Variants in GPR55 observed in about 807,000 individuals in gnomAD.
GPR55 encodes the protein G-protein coupled receptor 55.
In GPR55, 6 loss-of-function variants were observed where a neutral mutation model predicts 7.9. The observed-to-expected ratio is 0.76, with a 90% CI of 0.41 to 1.49. The LOEUF (loss-of-function observed/expected upper bound fraction) is 1.49, where lower values mean the gene tolerates loss of function less well. Ranked by LOEUF, GPR55 falls within the 40% of genes most tolerant of loss-of-function variation. The pLI, the probability that GPR55 is intolerant of heterozygous loss-of-function variation, is 0.01. For missense variants in GPR55, 376 were observed against 406.0 expected (o/e 0.93, Z 0.63); for synonymous variants, 183 against 166.8 (o/e 1.10, Z -0.75).
chr2:230,946,866 C>T (rs912190570), intron 1 of GPR55, among the ~76,000 whole-genome samples: 1 of 152,188 alleles, frequency 6.6e-6, no homozygotes, highest in African/African-American at 2.4e-5. Context: ...GCTGGGGGTG[C>T]TCATGTGGTT....
At chr2:230,942,726 G>A (rs1348732617) in intron 1 of GPR55, among the ~76,000 whole-genome samples, 2 of 151,954 alleles carry the variant, frequency 1.3e-5, no homozygotes, top group Non-Finnish European at 2.9e-5. Flanking sequence ...GGAGATGGGA[G>A]CTTGGCTGTT....
In GPR55 at chr2:230,923,711, T is replaced by G. The variant is rs553844715; in HGVS notation, c.-135+1457A>C. ...GGGAACTCAGGACACTCCTAGGAGA[T>G]TGCCCTAATTATGCCCATTTTACAG... On this transcript the variant is annotated intron_variant, in intron 1 of 1. Coordinates refer to ENST00000650999, the MANE Select transcript of GPR55 (RefSeq NM_005683.4). This position sits in a 1 kb window ranked among gnomAD's most constrained non-coding sequence, Gnocchi z 4.1. Among the ~76,000 whole-genome samples, 27 of 152,206 alleles carry G rather than the reference T, an allele frequency of 1.8e-4. No individual in the cohort carries two copies. The highest frequency in any genetic ancestry group is 4.6e-4 in the Admixed American group (7 of 15,304).
At chr2:230,954,076 C>T (rs1158834026) in intron 1 of GPR55, among the ~76,000 whole-genome samples, 4 of 152,236 alleles carry the variant, frequency 2.6e-5, no homozygotes, top group Non-Finnish European at 5.9e-5. Context: ...CTTGTCTTGC[C>T]CAGGAAGCCA....
At chr2:230,958,088 A>G (rs1275547251) in intron 1 of GPR55, 1 of 262,400 alleles carries the variant, frequency 3.8e-6, no homozygotes, top group African/African-American at 2.3e-5. Flanking sequence ...ATAAAGAAAG[A>G]AAGGAAGAAA....
chr2:230,938,872 T>G (rs1212111014), intron 1 of GPR55, among the ~76,000 whole-genome samples: 1 of 152,194 alleles, frequency 6.6e-6, no homozygotes, highest in Non-Finnish European at 1.5e-5. Context: ...TAGCTGCATC[T>G]CTTCTGGGTC....
chr2:230,938,463 G>A (rs951868864), intron 1 of GPR55, among the ~76,000 whole-genome samples: 22 of 151,122 alleles, frequency 1.5e-4, no homozygotes, highest in African/African-American at 5.3e-4. Context: ...GTCTTTTACC[G>A]TGTTTTTCTG....
intron 1 of GPR55, among the ~76,000 whole-genome samples, chr2:230,948,026 T>A (rs561372121): frequency 6.6e-6 from 1 of 152,238 alleles, no homozygotes; most frequent in Admixed American, 6.5e-5. Flanking sequence ...CCCGCCCGGC[T>A]CCTTTGTGAC....
rs553936248 is a variant in GPR55, at chr2:230,914,523, A to G, written c.-134-3427T>C. Among the ~76,000 whole-genome samples the G allele has an allele frequency of 3.1e-4, 47 of 150,306 alleles. 1 individual carries two copies. The highest frequency in any genetic ancestry group is 2.6e-3 in the Admixed American group (39 of 15,238). On this transcript the variant is annotated intron_variant, in intron 1 of 1. Coordinates refer to ENST00000650999, the MANE Select transcript of GPR55 (RefSeq NM_005683.4). ...AACCATCTTTTTAGAGTCTTTTTCA[A>G]AAAAATCAGAAGCCTCACTGTAGTA...
Position 230,923,465 on chromosome 2 carries a change from T to C in GPR55, c.-135+1703A>G, listed in dbSNP as rs1339894180. On this transcript the variant is annotated intron_variant, in intron 1 of 1. Coordinates refer to ENST00000650999, the MANE Select transcript of GPR55 (RefSeq NM_005683.4). The surrounding 1 kb of genome is among the most constrained non-coding windows in gnomAD (Gnocchi z 4.1). ...CACAGCGTATCCACCAGTAACACCA[T>C]AGTGTGAATAAAGTCATCCGCCTGT... Among the ~76,000 whole-genome samples the C allele has an allele frequency of 3.9e-5, 6 of 152,270 alleles. No homozygotes were observed. The highest frequency in any genetic ancestry group is 1.9e-4 in the East Asian group (1 of 5,176).
chr2:230,936,055 G>A (rs1038753170), intron 1 of GPR55, among the ~76,000 whole-genome samples: 4 of 152,192 alleles, frequency 2.6e-5, no homozygotes, highest in African/African-American at 9.7e-5. Flanking sequence ...CTGTGGGGAA[G>A]AGAATATTAA....
At chr2:230,919,413 G>T (rs1371283479) in intron 1 of GPR55, among the ~76,000 whole-genome samples, 1 of 152,130 alleles carries the variant, frequency 6.6e-6, no homozygotes, top group Non-Finnish European at 1.5e-5. Context: ...TCTCTGAGAA[G>T]AGAATATTAA....
rs768587054 is a variant in GPR55, at chr2:230,943,879, A to G, written c.-135+16896T>C. On this transcript the variant is annotated intron_variant, in intron 1 of 1. Coordinates refer to the GPR55 transcript ENST00000392039. ...AGCAAGGTCTCATCAGAAGCAGGGC[A>G]GATGCCGGCACCACACTTCATATAA... 1.9e-4 allele frequency among the ~76,000 whole-genome samples: 29 copies of G among 152,260 alleles called. 1 individual carries two copies. Among genetic ancestry groups the G allele is most frequent in the Non-Finnish European group, 7.3e-5 (5 of 68,042 alleles).
chr2:230,914,183 A>G (rs560147738), intron 1 of GPR55, among the ~76,000 whole-genome samples: 1 of 152,236 alleles, frequency 6.6e-6, no homozygotes, highest in East Asian at 1.9e-4. Context: ...GAACAAACGA[A>G]TAACAACGGG....
intron 1 of GPR55, among the ~76,000 whole-genome samples, chr2:230,920,857 T>TA (rs60140251): frequency 0.43 from 65,336 of 151,900 alleles, 14,824 homozygotes; most frequent in African/African-American, 0.58. Flanking sequence ...TTTATGCAAA[T>TA]TTATAAACAA....
intron 1 of GPR55, among the ~76,000 whole-genome samples, chr2:230,955,827 A>G (rs1253686365): frequency 1.3e-5 from 2 of 151,820 alleles, no homozygotes; most frequent in African/African-American, 4.8e-5. Flanking sequence ...CCCGGGCTCA[A>G]GCAATCCTCC....
intron 1 of GPR55, chr2:230,957,567 G>A (rs1691510914): frequency 2.5e-6 from 1 of 398,378 alleles, no homozygotes; most frequent in South Asian, 1.9e-5. Context: ...GCGGTGCTGG[G>A]CGGGTGGAGG....
At position 230,949,928 on chromosome 2, in the gene GPR55, G is replaced by A. The variant is rs961756055; in HGVS notation, c.-135+10847C>T. Among the ~76,000 whole-genome samples, 11 of 152,084 alleles carry A rather than the reference G, an allele frequency of 7.2e-5. No individual in the cohort carries two copies. In the South Asian group the frequency reaches 1.4e-3, roughly 20 times the overall value. On this transcript the variant is annotated intron_variant, in intron 1 of 1. Transcript: ENST00000392039. ...CGGCTCACTACAACCTCCGCCTCCC[G>A]GGTTCAAGCAATTCTCTGCCTCAGC...
rs543736776 is a variant in GPR55, at chr2:230,923,236, A to G, written c.-135+1932T>C. On this transcript the variant is annotated intron_variant, in intron 1 of 1. Transcript: ENST00000650999. This position sits in a 1 kb window ranked among gnomAD's most constrained non-coding sequence, Gnocchi z 4.1. Reference sequence around the variant, plus strand: ...GGACTTTCCAGAGAACACAAGCAACAAGAAGATCACAACCCTAAGGAGGGT... The same window carrying G: ...GGACTTTCCAGAGAACACAAGCAACGAGAAGATCACAACCCTAAGGAGGGT... Among the ~76,000 whole-genome samples, 2 of 152,288 alleles carry G rather than the reference A, an allele frequency of 1.3e-5. No individual in the cohort carries two copies. The highest frequency in any genetic ancestry group is 4.8e-5 in the African/African-American group (2 of 41,558).
At chr2:230,929,468 C>T (rs901958106), upstream of GPR55, 1 of 152,296 alleles carries the variant, frequency 6.6e-6, no homozygotes, top group Non-Finnish European at 1.5e-5. Flanking sequence ...CAGCCTTCCC[C>T]TCCCATGTCA....
Sources: gnomAD v4.1 joint callset for allele counts (sites outside exome capture counted in the v4.1 genomes callset) on GRCh38, gnomAD v4.1.1 for gene constraint, Gnocchi (gnomAD v3.1) non-coding constraint, MANE v1.5 for transcripts, NCBI Gene and HGNC (gene_info 2026-07-23, HGNC 2026-07-21) for gene names.